Variants in SORD observed in about 807,000 individuals in gnomAD.
SORD encodes (R,R)-butanediol dehydrogenase.
SORD carries 18 observed loss-of-function variants against 35.6 expected under a neutral mutation model. The ratio of observed to expected loss-of-function variants is 0.51; its 90% CI spans 0.35 to 0.75. The LOEUF (loss-of-function observed/expected upper bound fraction) is 0.75. SORD is among the 30% of genes least tolerant of loss of function. The probability of loss-of-function intolerance (pLI) is 0.01; values close to 1 mark genes in which losing one functional copy is unlikely to be tolerated. For synonymous variants in SORD, 106 were observed against 152.9 expected, an observed-to-expected ratio of 0.69 and a Z score of 2.26; for missense variants, 250 against 390.2, an observed-to-expected ratio of 0.64 and a Z score of 3.03.
chr15:45,044,235 A>G (rs1255201667), intron 3 of SORD, among the ~76,000 whole-genome samples: 2 of 152,218 alleles, frequency 1.3e-5, no homozygotes, highest in Non-Finnish European at 2.9e-5. Flanking sequence ...ATAGCTTCCA[A>G]CAGCCACTGA....
chr15:45,045,306 G>A (rs190123679), intron 3 of SORD, among the ~76,000 whole-genome samples: 186 of 152,222 alleles, frequency 1.2e-3, no homozygotes, highest in Non-Finnish European at 2.2e-3. Flanking sequence ...GGGAAGCTGT[G>A]GTGGGCAGGT....
intron 8 of SORD, among the ~76,000 whole-genome samples, chr15:45,072,703 C>G (rs1006211054): frequency 7.0e-6 from 1 of 142,268 alleles, no homozygotes; most frequent in South Asian, 2.1e-4. Context: ...GCTTATCCCC[C>G]CCAGGCCCCT....
At chr15:45,054,302 A>G (rs951859207) in intron 3 of SORD, among the ~76,000 whole-genome samples, 7 of 151,782 alleles carry the variant, frequency 4.6e-5, no homozygotes, top group Non-Finnish European at 1.0e-4. Context: ...TCTCTCCAGC[A>G]CCTGTTGTTT....
intron 1 of SORD, among the ~76,000 whole-genome samples, chr15:45,039,557 C>G (rs1164849333): frequency 6.6e-6 from 1 of 152,238 alleles, no homozygotes; most frequent in African/African-American, 2.4e-5. Context: ...TAAACCAACA[C>G]TACTACAACT....
At chr15:45,027,917 A>T (rs270821) in intron 1 of SORD, among the ~76,000 whole-genome samples, 11,074 of 151,150 alleles carry the variant, frequency 0.073, 37 homozygotes, top group East Asian at 0.24. Context: ...ATGTGCTGGG[A>T]ACTTTAATAC....
rs568231000 is a variant in SORD, at chr15:45,045,615, G to C, written c.265+2194G>C. On this transcript the variant is annotated intron_variant, in intron 3 of 8. Coordinates refer to ENST00000267814, the MANE Select transcript of SORD (RefSeq NM_003104.6). ...TACAGATATGAGAGTAACACATCTG[G>C]GTACAGATAAGTCTGTGCTACTCAG... Among the ~76,000 whole-genome samples, 3 of 151,180 alleles carry C rather than the reference G, an allele frequency of 2.0e-5. No individual in the cohort carries two copies. The South Asian group carries it at 6.3e-4, about 32-fold the overall frequency.
intron 3 of SORD, among the ~76,000 whole-genome samples, chr15:45,057,436 T>A (rs1432274446): frequency 6.6e-6 from 1 of 152,234 alleles, no homozygotes; most frequent in East Asian, 1.9e-4. Context: ...CAAGCATAAT[T>A]GTTAAGAACA....
chr15:45,024,286 C>T (rs1277350046), intron 1 of SORD, among the ~76,000 whole-genome samples: 1 of 152,182 alleles, frequency 6.6e-6, no homozygotes, highest in African/African-American at 2.4e-5. Context: ...AGTATGTAAA[C>T]TGCAGTAATT....
chr15:45,028,133 C>T (rs1386782958), intron 1 of SORD, among the ~76,000 whole-genome samples: 1 of 152,232 alleles, frequency 6.6e-6, no homozygotes, highest in African/African-American at 2.4e-5. Flanking sequence ...TGAGACCAGC[C>T]TGGCCAACAT....
intron 7 of SORD, chr15:45,070,141 G>A (rs911118798): frequency 9.8e-5 from 15 of 152,322 alleles, no homozygotes; most frequent in African/African-American, 2.4e-4. Context: ...GGCAAGCCAA[G>A]TCAGGCCCAG....
chr15:45,051,441 A>T (rs1484110297), intron 3 of SORD, among the ~76,000 whole-genome samples: 1 of 152,220 alleles, frequency 6.6e-6, no homozygotes, highest in Non-Finnish European at 1.5e-5. Context: ...TTGGGATTAG[A>T]AAAGACAACC....
rs116250562 is a variant in SORD at position 45,023,546 on chromosome 15, C to T, written c.66+197C>T. 6.7e-3 allele frequency among the ~76,000 whole-genome samples: 1,026 copies of T among 152,340 alleles called. 9 individuals are homozygous for T. Among genetic ancestry groups the T allele is most frequent in the African/African-American group, 0.024 (983 of 41,574 alleles). ...CTGTTGCGAAGGGCAGGGATCTAGTCGTGTGCCTCCCGGAACCTAGCCCCG... is the reference window on the plus strand; with the variant it reads ...CTGTTGCGAAGGGCAGGGATCTAGTTGTGTGCCTCCCGGAACCTAGCCCCG... On this transcript the variant is annotated intron_variant, in intron 1 of 8. Coordinates refer to ENST00000267814, the MANE Select transcript of SORD (RefSeq NM_003104.6).
intron 3 of SORD, chr15:45,047,011 C>G (rs1403879539): frequency 1.3e-5 from 2 of 152,166 alleles, no homozygotes; most frequent in Non-Finnish European, 2.9e-5. Flanking sequence ...GAGCAAGACT[C>G]TGTCTCAAAT....
In SORD at chr15:45,065,303, C is replaced by A. The variant is rs145813597; in HGVS notation, c.458C>A (p.Ala153Asp). 4.5e-4 allele frequency: 732 copies of A among 1,614,028 alleles called. 1 individual carries two copies. Among genetic ancestry groups the A allele is most frequent in the Middle Eastern group, 6.6e-4 (4 of 6,056 alleles). Residue 153 changes from alanine (A) to aspartate (D), a missense_variant, in exon 5 of 9, where the codon GCC (alanine) becomes GAC (aspartate). Transcript: ENST00000267814. ...LPDNVTFEEGALIEPLSVGIH... is the reference protein window; with the variant it reads ...LPDNVTFEEGDLIEPLSVGIH... ...GACAATGTCACCTTTGAGGAAGGCG[C>A]CCTGATCGAGCCACTTTCTGTGGGG...
intron 3 of SORD, among the ~76,000 whole-genome samples, chr15:45,053,131 T>C (rs1174428493): frequency 6.6e-6 from 1 of 152,172 alleles, no homozygotes; most frequent in Non-Finnish European, 1.5e-5. Context: ...AGGCAAGTAC[T>C]ACTGTTACTT....
At chr15:45,052,085 T>G (rs995871089) in intron 3 of SORD, among the ~76,000 whole-genome samples, 2 of 152,228 alleles carry the variant, frequency 1.3e-5, no homozygotes, top group Non-Finnish European at 2.9e-5. Flanking sequence ...CCAAAACACA[T>G]TTTACTTTCC....
chr15:45,037,560 A>C (rs900645435), intron 1 of SORD, among the ~76,000 whole-genome samples: 1 of 152,114 alleles, frequency 6.6e-6, no homozygotes, highest in Non-Finnish European at 1.5e-5. Context: ...TGAAATAAAG[A>C]CCTTAGTCTT....
At chr15:45,058,492 A>C (rs1420857514) in intron 3 of SORD, 5 of 152,134 alleles carry the variant, frequency 3.3e-5, no homozygotes, top group Non-Finnish European at 7.3e-5. Flanking sequence ...AAAAAAAAAA[A>C]CTATGGATAA....
intron 3 of SORD, among the ~76,000 whole-genome samples, chr15:45,053,210 C>G (rs1893157495): frequency 6.6e-6 from 1 of 152,142 alleles, no homozygotes; most frequent in African/African-American, 2.4e-5. Flanking sequence ...TACCAAGAAG[C>G]CTTTGAAACC....
Sources: gnomAD v4.1 joint callset for allele counts (sites outside exome capture counted in the v4.1 genomes callset) on GRCh38, gnomAD v4.1.1 for gene constraint, MANE v1.5 for transcripts, NCBI Gene and HGNC (gene_info 2026-07-23, HGNC 2026-07-21) for gene names.